GPATCH2L: variants seen among roughly 807,000 people sequenced by gnomAD.
The protein encoded by GPATCH2L is G patch domain-containing protein 2-like.
A neutral mutation model predicts 57.4 loss-of-function variants in GPATCH2L; 31 were observed. That is an observed-to-expected ratio of 0.54 (90% CI 0.41 to 0.73). The LOEUF (loss-of-function observed/expected upper bound fraction) is 0.73. GPATCH2L is among the 30% of genes least tolerant of loss of function. GPATCH2L has a pLI of 0.00. For synonymous variants in GPATCH2L, 199 were observed against 210.7 expected (o/e 0.94, Z 0.48); for missense variants, 481 against 599.9 (o/e 0.80, Z 2.07).
intron 7 of GPATCH2L, 144 bp from the exon 8 acceptor site, chr14:76,180,620 G>A (rs2039525634): frequency 6.3e-6 from 4 of 639,582 alleles, no homozygotes; most frequent in Admixed American, 2.6e-5. Context: ...TATGAAATAT[G>A]TGTGACTTTA....
intron 2 of GPATCH2L, among the ~76,000 whole-genome samples, chr14:76,160,530 C>A (rs551501371): frequency 6.6e-6 from 1 of 152,086 alleles, no homozygotes; most frequent in Non-Finnish European, 1.5e-5. Flanking sequence ...GAAGAAGATA[C>A]AACTGAAGAG....
In GPATCH2L at chr14:76,166,694, A is replaced by G; in HGVS notation, c.694A>G (p.Thr232Ala). 6.2e-7 allele frequency: 1 copy of G among 1,611,728 alleles called. No individual in the cohort carries two copies. The highest frequency in any genetic ancestry group is 8.5e-7 in the Non-Finnish European group (1 of 1,177,872). Residue 232 changes from threonine (T) to alanine (A), a missense_variant, in exon 3 of 10, where the codon ACT (threonine) becomes GCT (alanine). By Grantham distance (58) the Thr-to-Ala change is moderately conservative. Around this residue, in one of 3 missense-constraint regions of GPATCH2L, gnomAD observed 25 missense variants for 56.9 expected, o/e 0.44. Transcript: ENST00000261530. Reference protein sequence around the residue: ...ETSSVCSSSDTGLFTNDEGRQ... With the variant: ...ETSSVCSSSDAGLFTNDEGRQ... ...CAGCAGTGTGTGTAGCAGCAGTGAC[A>G]CTGGGCTCTTTACCAATGATGAAGG... is the stretch of plus-strand genomic sequence containing the variant.
At position 76,165,632 on chromosome 14, in the gene GPATCH2L, A is replaced by G. The variant is rs541209715; in HGVS notation, c.663-1031A>G. On this transcript the variant is annotated intron_variant, in intron 2 of 9. Coordinates refer to ENST00000261530, the MANE Select transcript of GPATCH2L (RefSeq NM_017926.4). ...GATTTGTTTGTTGACTATTTCTGTG[A>G]CAGATCTTTTGCATCTGGTATTCAG... Among the ~76,000 whole-genome samples the G allele has an allele frequency of 2.8e-4, 42 of 151,952 alleles. No homozygotes were observed. In the South Asian group the frequency reaches 4.6e-3, roughly 17 times the overall value.
chr14:76,192,479 A>T (rs1032147165), intron 8 of GPATCH2L, among the ~76,000 whole-genome samples: 9 of 152,136 alleles, frequency 5.9e-5, no homozygotes, highest in African/African-American at 2.2e-4. Context: ...CTTAAGAGAA[A>T]TGTTTTAAGA....
chr14:76,163,290 C>A (rs1477384433), intron 2 of GPATCH2L, among the ~76,000 whole-genome samples: 1 of 152,098 alleles, frequency 6.6e-6, no homozygotes, highest in African/African-American at 2.4e-5. Context: ...ATATAAAGTG[C>A]TTAGTATATT....
chr14:76,156,481 A>G (rs1310230282), intron 2 of GPATCH2L, among the ~76,000 whole-genome samples: 1 of 152,216 alleles, frequency 6.6e-6, no homozygotes, highest in Non-Finnish European at 1.5e-5. Flanking sequence ...CTAATGCCTC[A>G]TTCCTTCTAA....
intron 7 of GPATCH2L, 97 bp from the exon 8 acceptor site, chr14:76,180,667 A>G (rs2039526942): frequency 1.1e-5 from 9 of 784,480 alleles, no homozygotes; most frequent in Non-Finnish European, 1.8e-5. Context: ...CAAGAGTTGG[A>G]TAGTCAAAGG....
chr14:76,187,702 G>A (rs2039821806), intron 8 of GPATCH2L, among the ~76,000 whole-genome samples: 1 of 152,052 alleles, frequency 6.6e-6, no homozygotes, highest in Admixed American at 6.6e-5. Context: ...ATCCCCTCAA[G>A]CATTTATTCT....
intron 9 of GPATCH2L, among the ~76,000 whole-genome samples, chr14:76,198,341 T>C (rs2040218443): frequency 6.6e-6 from 1 of 152,030 alleles, no homozygotes; most frequent in South Asian, 2.1e-4. Context: ...TTAAAGAAAG[T>C]AGTCAGAAAA....
At position 76,210,702 on chromosome 14, in the gene GPATCH2L, C is replaced by T. The variant is rs1467245992; in HGVS notation, c.*8851C>T. 2 of 152,196 alleles carry T rather than the reference C, an allele frequency of 1.3e-5. No homozygotes were observed. Among genetic ancestry groups the T allele is most frequent in the African/African-American group, 4.8e-5 (2 of 41,450 alleles). The allele number at this position is 152,196 out of a possible 1,614,324, so 9.4% of individuals were successfully genotyped here. A position where few individuals can be genotyped will look rare whatever the true frequency, so the allele number is the denominator to read the frequency against. ...TTATCCTTTCTGTACCAAGGCACAACTGATTCCTAAGTGAGGGGGATATGT... is the reference window on the plus strand; with the variant it reads ...TTATCCTTTCTGTACCAAGGCACAATTGATTCCTAAGTGAGGGGGATATGT... On this transcript the variant is annotated 3_prime_UTR_variant, in exon 10 of 10. Transcript: ENST00000261530.
At chr14:76,233,482 G>A (rs551419979) in intron 2 of GPATCH2L, among the ~76,000 whole-genome samples, 5 of 152,164 alleles carry the variant, frequency 3.3e-5, no homozygotes, top group Admixed American at 1.3e-4. Flanking sequence ...ACCCATAAAA[G>A]TTGATAGAAC....
At chr14:76,185,801 G>A (rs2039743778) in intron 8 of GPATCH2L, among the ~76,000 whole-genome samples, 1 of 152,102 alleles carries the variant, frequency 6.6e-6, no homozygotes, top group Admixed American at 6.6e-5. Context: ...AGCCTGGTAT[G>A]CAAATGTTAT....
intron 7 of GPATCH2L, 63 bp downstream of exon 7, chr14:76,178,105 A>G: frequency 7.3e-7 from 1 of 1,374,230 alleles, no homozygotes; most frequent in East Asian, 2.3e-5. Context: ...AGAGTATCCA[A>G]CACTTACTGG....
At chr14:76,215,896 A>G (rs1311476715), downstream of GPATCH2L, among the ~76,000 whole-genome samples, 1 of 151,798 alleles carries the variant, frequency 6.6e-6, no homozygotes, top group Admixed American at 6.6e-5. Flanking sequence ...CATGTACCCT[A>G]AAACTTAAAG....
At chr14:76,162,169 C>G (rs150497430) in intron 2 of GPATCH2L, among the ~76,000 whole-genome samples, 5 of 152,140 alleles carry the variant, frequency 3.3e-5, no homozygotes, top group African/African-American at 1.2e-4. Flanking sequence ...TTGGCAGGGA[C>G]CTCAGTTCTC....
Position 76,208,567 on chromosome 14 carries a change from C to G in GPATCH2L, c.*6716C>G, listed in dbSNP as rs541439052. 1 of 152,174 alleles carries G rather than the reference C, an allele frequency of 6.6e-6. No individual in the cohort carries two copies. The highest frequency in any genetic ancestry group is 2.4e-5 in the African/African-American group (1 of 41,268). The allele number at this position is 152,174 out of a possible 1,614,324, so 9.4% of individuals were successfully genotyped here. A position where few individuals can be genotyped will look rare whatever the true frequency, so the allele number is the denominator to read the frequency against. On this transcript the variant is annotated 3_prime_UTR_variant, in exon 10 of 10. Transcript: ENST00000261530. ...CGGGCAGAACTTCCCACTTAGACACCCACACACACACACGCTTCCTTACCT... is the reference window on the plus strand; with the variant it reads ...CGGGCAGAACTTCCCACTTAGACACGCACACACACACACGCTTCCTTACCT...
intron 8 of GPATCH2L, among the ~76,000 whole-genome samples, chr14:76,189,693 C>G (rs1002237945): frequency 1.3e-5 from 2 of 151,986 alleles, no homozygotes; most frequent in African/African-American, 2.4e-5. Flanking sequence ...CCCTTTATTT[C>G]TTTCTCTTGT....
chr14:76,186,344 G>A (rs1251662226), intron 8 of GPATCH2L, among the ~76,000 whole-genome samples: 2 of 152,144 alleles, frequency 1.3e-5, no homozygotes, highest in Non-Finnish European at 2.9e-5. Flanking sequence ...GTTCACAAAC[G>A]TTATGATCTG....
rs1238946320 is a variant in GPATCH2L at position 76,210,666 on chromosome 14, A to G, written c.*8815A>G. 2.6e-5 allele frequency: 4 copies of G among 152,248 alleles called. No homozygotes were observed. The highest frequency in any genetic ancestry group is 5.9e-5 in the Non-Finnish European group (4 of 68,036). The allele number at this position is 152,248 out of a possible 1,614,324, so 9.4% of individuals were successfully genotyped here. On this transcript the variant is annotated 3_prime_UTR_variant, in exon 10 of 10. Transcript: ENST00000261530. ...TTGCAGATCTTGCAAACCTGTGGCA[A>G]TAAGAAGGTATTATCCTTTCTGTAC...
Sources: allele counts gnomAD v4.1 joint callset (sites outside exome capture counted in the v4.1 genomes callset), GRCh38; gene constraint gnomAD v4.1.1; regional missense constraint gnomAD v4.1.1; transcripts MANE v1.5; gene names NCBI Gene and HGNC (gene_info 2026-07-23, HGNC 2026-07-21).